CNTNAP2: variants seen among roughly 807,000 people sequenced by gnomAD.
The protein encoded by CNTNAP2 is contactin-associated protein-like 2.
In CNTNAP2, 98 loss-of-function variants were observed where a neutral mutation model predicts 155.2. The ratio of observed to expected loss-of-function variants is 0.63; its 90% CI spans 0.54 to 0.75. CNTNAP2 has a LOEUF of 0.75. Ranked by LOEUF, CNTNAP2 falls within the 30% of genes least tolerant of loss-of-function variation. CNTNAP2 has a pLI of 0.00. For missense variants in CNTNAP2, 1,727 were observed against 1,688.1 expected (o/e 1.02, Z -0.40); for synonymous variants, 651 against 631.2 (o/e 1.03, Z -0.47).
At chr7:146,929,702 A>G (rs1796701971) in intron 3 of CNTNAP2, among the ~76,000 whole-genome samples, 1 of 152,184 alleles carries the variant, frequency 6.6e-6, no homozygotes, top group Non-Finnish European at 1.5e-5. Context: ...AAAAATTTAG[A>G]CAAAAGTATA....
At chr7:146,178,645 T>G (rs1041994204) in intron 1 of CNTNAP2, among the ~76,000 whole-genome samples, 2 of 152,186 alleles carry the variant, frequency 1.3e-5, no homozygotes, top group Non-Finnish European at 2.9e-5. Flanking sequence ...TTTTTAATGC[T>G]AACTTTTGTA....
chr7:147,770,556 G>T (rs1034338780), intron 13 of CNTNAP2, among the ~76,000 whole-genome samples: 1 of 152,082 alleles, frequency 6.6e-6, no homozygotes, highest in Non-Finnish European at 1.5e-5. Flanking sequence ...TACTATCTCA[G>T]AATAGACTTA....
intron 1 of CNTNAP2, among the ~76,000 whole-genome samples, chr7:146,129,324 C>CA (rs1054967807): frequency 1.3e-5 from 2 of 151,246 alleles, no homozygotes; most frequent in Non-Finnish European, 3.0e-5. Flanking sequence ...GCCTTTTTTT[C>CA]AAAAAAAGCT....
intron 1 of CNTNAP2, among the ~76,000 whole-genome samples, chr7:146,604,870 A>G (rs1439647087): frequency 2.1e-5 from 3 of 141,850 alleles, no homozygotes; most frequent in East Asian, 4.3e-4. Flanking sequence ...TGGGAATTGA[A>G]CAATGAGATC....
intron 8 of CNTNAP2, among the ~76,000 whole-genome samples, chr7:147,188,647 G>A (rs1802617069): frequency 6.6e-6 from 1 of 152,154 alleles, no homozygotes; most frequent in Non-Finnish European, 1.5e-5. Context: ...AGAGAAGGAG[G>A]AAGTAGTTCA....
chr7:146,915,022 C>G (rs1422800042), intron 3 of CNTNAP2, among the ~76,000 whole-genome samples: 1 of 151,850 alleles, frequency 6.6e-6, no homozygotes, highest in Non-Finnish European at 1.5e-5. Context: ...ATCCAGTTTT[C>G]TTCTTCCACA....
At chr7:147,572,694 G>A (rs988930437) in intron 12 of CNTNAP2, among the ~76,000 whole-genome samples, 3 of 122,714 alleles carry the variant, frequency 2.4e-5, no homozygotes, top group Non-Finnish European at 5.0e-5. Flanking sequence ...ATTCAAACAG[G>A]ATGGGAAACA....
At chr7:147,696,779 T>C (rs2116999106) in intron 13 of CNTNAP2, among the ~76,000 whole-genome samples, 1 of 152,220 alleles carries the variant, frequency 6.6e-6, no homozygotes. Context: ...GAGTGCAGAA[T>C]TCCAGGTTGG....
intron 1 of CNTNAP2, among the ~76,000 whole-genome samples, chr7:146,582,179 A>G (rs1240292000): frequency 1.3e-5 from 2 of 152,190 alleles, no homozygotes; most frequent in Non-Finnish European, 2.9e-5. Context: ...GGTGACTTCA[A>G]GAAAAGGTTT....
chr7:146,680,849 G>A (rs374579669), intron 1 of CNTNAP2, among the ~76,000 whole-genome samples: 2 of 152,148 alleles, frequency 1.3e-5, no homozygotes, highest in African/African-American at 4.8e-5. Flanking sequence ...ACAAGCAAAG[G>A]CATTCTTACA....
rs568107170 is a variant in CNTNAP2 at position 147,107,829 on chromosome 7, C to T, written c.551-318C>T. Reference sequence around the variant, plus strand: ...ATCTGTTTGAGATTTAAAAATTTTACGATTTTGGTCTAAACTCTAGATTTC... The same window carrying T: ...ATCTGTTTGAGATTTAAAAATTTTATGATTTTGGTCTAAACTCTAGATTTC... On this transcript the variant is annotated intron_variant, in intron 4 of 23. Coordinates refer to ENST00000361727, the MANE Select transcript of CNTNAP2 (RefSeq NM_014141.6). Among the ~76,000 whole-genome samples the T allele has an allele frequency of 6.1e-4, 93 of 152,048 alleles. 1 individual carries two copies. Among genetic ancestry groups the T allele is most frequent in the Middle Eastern group, 6.8e-3 (2 of 294 alleles).
intron 15 of CNTNAP2, among the ~76,000 whole-genome samples, chr7:148,112,411 T>TTTATTATTA (rs1468398258): frequency 7.7e-5 from 10 of 130,050 alleles, no homozygotes; most frequent in Non-Finnish European, 6.7e-5. Flanking sequence ...TGTGCTAAAT[T>TTTATTATTA]TTAGTATTAT....
At chr7:146,940,225 G>A (rs1797022169) in intron 3 of CNTNAP2, among the ~76,000 whole-genome samples, 2 of 151,164 alleles carry the variant, frequency 1.3e-5, no homozygotes, top group Non-Finnish European at 1.5e-5. Context: ...TTTATTTTTT[G>A]AGATGGAGTC....
chr7:148,003,281 A>T (rs916699969), intron 15 of CNTNAP2, among the ~76,000 whole-genome samples: 1 of 152,158 alleles, frequency 6.6e-6, no homozygotes, highest in Non-Finnish European at 1.5e-5. Flanking sequence ...CTAGGGAAAG[A>T]CTTTGCAGTG....
At chr7:148,064,540 C>T (rs1355234585) in intron 15 of CNTNAP2, among the ~76,000 whole-genome samples, 1 of 151,878 alleles carries the variant, frequency 6.6e-6, no homozygotes, top group East Asian at 1.9e-4. Context: ...TCCAAAAAAC[C>T]TCCTAAATCT....
chr7:147,253,144 G>A lies in CNTNAP2; in HGVS notation c.1349-46997G>A, dbSNP rs376880223. On this transcript the variant is annotated intron_variant, in intron 8 of 23. Transcript: ENST00000361727. ...AAAACTTAGATTATTTTCTTACATAGTATTGGCTACTGCCCGTTCTGATGC... is the reference window on the plus strand; with the variant it reads ...AAAACTTAGATTATTTTCTTACATAATATTGGCTACTGCCCGTTCTGATGC... Among the ~76,000 whole-genome samples, 6 of 152,240 alleles carry A rather than the reference G, an allele frequency of 3.9e-5. No individual in the cohort carries two copies. In the East Asian group the frequency reaches 1.2e-3, roughly 29 times the overall value.
chr7:146,798,899 A>G (rs2129190957), intron 2 of CNTNAP2, among the ~76,000 whole-genome samples: 1 of 152,238 alleles, frequency 6.6e-6, no homozygotes, highest in Non-Finnish European at 1.5e-5. Flanking sequence ...CCATTTTCTC[A>G]TATTTGTACA....
At chr7:147,152,945 G>C (rs910704177) in intron 8 of CNTNAP2, among the ~76,000 whole-genome samples, 5 of 152,006 alleles carry the variant, frequency 3.3e-5, no homozygotes, top group African/African-American at 4.8e-5. Context: ...TTTTTCCATT[G>C]GTTCATGCTG....
intron 1 of CNTNAP2, among the ~76,000 whole-genome samples, chr7:146,158,841 C>G (rs897614357): frequency 6.6e-6 from 1 of 152,146 alleles, no homozygotes; most frequent in Admixed American, 6.5e-5. Context: ...AGGAGAACTT[C>G]CCCAAACTAA....
Sources: gnomAD v4.1 joint callset for allele counts (sites outside exome capture counted in the v4.1 genomes callset) on GRCh38, gnomAD v4.1.1 for gene constraint, MANE v1.5 for transcripts, NCBI Gene and HGNC (gene_info 2026-07-23, HGNC 2026-07-21) for gene names.